Variants in ANKRD12 observed in about 807,000 individuals in gnomAD.
The protein encoded by ANKRD12 is ankyrin repeat domain-containing protein 12.
In ANKRD12, 85 loss-of-function variants were observed where a neutral mutation model predicts 183.4. The observed-to-expected ratio is 0.46, with a 90% CI of 0.39 to 0.56. ANKRD12 has a LOEUF of 0.56. Ranked by LOEUF, ANKRD12 falls within the 20% of genes least tolerant of loss-of-function variation. ANKRD12 has a pLI of 0.00. For synonymous variants in ANKRD12, 914 were observed against 800.2 expected, an observed-to-expected ratio of 1.14 and a Z score of -2.40; for missense variants, 2,405 against 2,357.1, an observed-to-expected ratio of 1.02 and a Z score of -0.42.
chr18:9,216,653 A>G (rs1598589181), intron 6 of ANKRD12, 105 bp from the exon 7 acceptor site: 1 of 1,119,358 alleles, frequency 8.9e-7, no homozygotes, highest in East Asian at 2.5e-5. Flanking sequence ...TTTTTGCACG[A>G]TGTGCAGTTT....
rs547823161 is a variant in ANKRD12 at position 9,148,898 on chromosome 18, C to T, written c.-52+11933C>T. 2.6e-5 allele frequency among the ~76,000 whole-genome samples: 4 copies of T among 151,386 alleles called. No individual in the cohort carries two copies. The South Asian group carries it at 8.3e-4, about 31-fold the overall frequency. On this transcript the variant is annotated intron_variant, in intron 1 of 12. Coordinates refer to ENST00000262126, the MANE Select transcript of ANKRD12 (RefSeq NM_015208.5). ...AAGGGGCTTCATGATGAGATCCCTT[C>T]CTGCTTCAGCCTCATTTTCTGTCCC...
intron 3 of ANKRD12, among the ~76,000 whole-genome samples, chr18:9,196,243 G>T (rs2034813355): frequency 7.1e-6 from 1 of 141,468 alleles, no homozygotes; most frequent in Non-Finnish European, 1.5e-5. Flanking sequence ...CTGCCTCAGT[G>T]CTTTTCATAG....
At chr18:9,263,954 C>A (rs768704477) in intron 10 of ANKRD12, 66 bp downstream of exon 10, 2 of 1,172,564 alleles carry the variant, frequency 1.7e-6, no homozygotes, top group Non-Finnish European at 2.3e-6. Flanking sequence ...ATTAAAATGG[C>A]CTATAATTTT....
chr18:9,239,494 T>C (rs2037535870), intron 8 of ANKRD12: 1 of 1,284,536 alleles, frequency 7.8e-7, no homozygotes, highest in East Asian at 5.6e-5. Flanking sequence ...ATTTTCCACA[T>C]GGTGAATGTG....
intron 3 of ANKRD12, among the ~76,000 whole-genome samples, chr18:9,204,107 T>G (rs2035341907): frequency 6.6e-6 from 1 of 152,170 alleles, no homozygotes; most frequent in African/African-American, 2.4e-5. Context: ...GAACAAAAAG[T>G]GTAAGACAAG....
chr18:9,244,287 T>G (rs2037827080), intron 8 of ANKRD12, among the ~76,000 whole-genome samples: 1 of 152,200 alleles, frequency 6.6e-6, no homozygotes, highest in Non-Finnish European at 1.5e-5. Flanking sequence ...CTATTCTTTT[T>G]CTGGAAAATT....
intron 8 of ANKRD12, among the ~76,000 whole-genome samples, chr18:9,228,190 G>GTA (rs921250376): frequency 3.3e-5 from 5 of 152,176 alleles, no homozygotes; most frequent in Non-Finnish European, 7.3e-5. Flanking sequence ...GTACTCTAGT[G>GTA]TATATATGCA....
At chr18:9,146,721 A>T (rs1039368761) in intron 1 of ANKRD12, among the ~76,000 whole-genome samples, 4 of 152,172 alleles carry the variant, frequency 2.6e-5, no homozygotes, top group African/African-American at 9.7e-5. Flanking sequence ...TATAATTCTA[A>T]GTGACTTTGG....
In ANKRD12 at chr18:9,194,176, G is replaced by A. The variant is rs147082555; in HGVS notation, c.88-1375G>A. 1.8e-3 allele frequency among the ~76,000 whole-genome samples: 274 copies of A among 152,072 alleles called. 1 individual carries two copies. The highest frequency in any genetic ancestry group is 6.1e-3 in the African/African-American group (255 of 41,490). ...ACTATGCATCAAAATTATGTGGCAG[G>A]ACTATTAAAACAGATCATTAAGCCC... On this transcript the variant is annotated intron_variant, in intron 2 of 12. Coordinates refer to ENST00000262126, the MANE Select transcript of ANKRD12 (RefSeq NM_015208.5).
chr18:9,254,138 C>A, intron 8 of ANKRD12, 73 bp from the exon 9 acceptor site: 1 of 1,431,992 alleles, frequency 7.0e-7, no homozygotes, highest in Non-Finnish European at 9.1e-7. Flanking sequence ...ATCTTTTTCT[C>A]AGAAAAAAAA....
At chr18:9,221,736 G>A (rs939047950) in intron 7 of ANKRD12, 116 bp from the exon 8 acceptor site, 3 of 996,706 alleles carry the variant, frequency 3.0e-6, no homozygotes, top group Admixed American at 5.7e-5. Flanking sequence ...GGTGAGGAAT[G>A]GATGCAGAGT....
chr18:9,272,299 A>G (rs561836488), intron 10 of ANKRD12, among the ~76,000 whole-genome samples: 2 of 152,306 alleles, frequency 1.3e-5, no homozygotes, highest in East Asian at 3.9e-4. Flanking sequence ...ATGGTGGCTC[A>G]CGCCTGTTAT....
intron 6 of ANKRD12, among the ~76,000 whole-genome samples, chr18:9,212,694 A>C (rs1456709683): frequency 6.6e-6 from 1 of 151,214 alleles, no homozygotes; most frequent in East Asian, 1.9e-4. Context: ...TGCCCCCCCC[A>C]AAATTCTGTA....
chr18:9,158,512 T>C (rs529772895), intron 1 of ANKRD12, among the ~76,000 whole-genome samples: 1 of 152,296 alleles, frequency 6.6e-6, no homozygotes, highest in East Asian at 1.9e-4. Context: ...CTTAAGTTTT[T>C]CTCATGATTA....
chr18:9,275,614 G>A lies in ANKRD12; in HGVS notation c.5854G>A (p.Ala1952Thr). ...GGCAAATCAAACACTGCCATTTAGT[G>A]CTTGTACTGTTTTGCTGGATGCCGA... The part of the protein sequence containing the change: ...TLANQTLPFS[A>T]CTVLLDAEVY... Residue 1952 changes from alanine (A) to threonine (T), a missense_variant, in exon 11 of 13, where the codon GCT (alanine) becomes ACT (threonine). Coordinates refer to ENST00000262126, the MANE Select transcript of ANKRD12 (RefSeq NM_015208.5). The A allele has an allele frequency of 6.2e-7, 1 of 1,608,118 alleles. No individual in the cohort carries two copies. Among genetic ancestry groups the A allele is most frequent in the Non-Finnish European group, 8.5e-7 (1 of 1,175,604 alleles).
At chr18:9,174,363 A>G (rs2033054167) in intron 1 of ANKRD12, among the ~76,000 whole-genome samples, 1 of 152,100 alleles carries the variant, frequency 6.6e-6, no homozygotes, top group Admixed American at 6.6e-5. Context: ...ATACGGATGG[A>G]TTTCTCACCT....
At chr18:9,192,778 G>C (rs922258403) in intron 2 of ANKRD12, among the ~76,000 whole-genome samples, 4 of 151,458 alleles carry the variant, frequency 2.6e-5, no homozygotes, top group Non-Finnish European at 1.5e-5. Context: ...ATGATTATAG[G>C]TCACTGCAGC....
chr18:9,250,377 A>G (rs11661901), intron 8 of ANKRD12, among the ~76,000 whole-genome samples: 16,791 of 152,032 alleles, frequency 0.11, 1,088 homozygotes, highest in African/African-American at 0.16. Flanking sequence ...GAATGATGAG[A>G]CCCTGAGCTG....
intron 10 of ANKRD12, among the ~76,000 whole-genome samples, chr18:9,268,318 A>C (rs1390621699): frequency 3.9e-5 from 6 of 152,326 alleles, no homozygotes; most frequent in African/African-American, 1.4e-4. Context: ...ACAACAACAA[A>C]AAAAGAGAAT....
Sources: gnomAD v4.1 joint callset for allele counts (sites outside exome capture counted in the v4.1 genomes callset) on GRCh38, gnomAD v4.1.1 for gene constraint, MANE v1.5 for transcripts, NCBI Gene and HGNC (gene_info 2026-07-23, HGNC 2026-07-21) for gene names.